RGS7: variants seen among roughly 807,000 people sequenced by gnomAD.
RGS7 encodes regulator of G protein signaling 7.
Under a neutral mutation model 81.1 loss-of-function variants are expected in RGS7, and 27 were observed. The observed-to-expected ratio is 0.33, with a 90% CI of 0.25 to 0.46. RGS7 has a LOEUF of 0.46. Among genes scored for constraint, RGS7 ranks in the 20% least tolerant of loss-of-function variants. The pLI is 1.00. For synonymous variants in RGS7, 208 were observed against 207.7 expected (o/e 1.00, Z -0.01); for missense variants, 396 against 607.4 (o/e 0.65, Z 3.66).
chr1:241,317,614 C>T (rs1327047988), intron 2 of RGS7, among the ~76,000 whole-genome samples: 1 of 152,222 alleles, frequency 6.6e-6, no homozygotes, highest in Non-Finnish European at 1.5e-5. Flanking sequence ...ACTCCACTCC[C>T]AGCCACCCGG....
At chr1:241,273,334 G>GTATC (rs937851142) in intron 2 of RGS7, among the ~76,000 whole-genome samples, 1 of 151,988 alleles carries the variant, frequency 6.6e-6, no homozygotes, top group Non-Finnish European at 1.5e-5. Context: ...GCAAGATTGG[G>GTATC]TATCTGCACA....
At chr1:241,105,348 C>T (rs1486776584) in intron 2 of RGS7, among the ~76,000 whole-genome samples, 2 of 152,210 alleles carry the variant, frequency 1.3e-5, no homozygotes, top group African/African-American at 2.4e-5. Context: ...TGAACTTCAA[C>T]ACCCTGCTCT....
chr1:240,820,457 G>GT lies in RGS7; in HGVS notation c.685-4043dup, dbSNP rs146142650. On this transcript the variant is annotated intron_variant, in intron 10 of 18. Transcript: ENST00000440928. ...AGAAGAGAACTAGAAAAATTATCCC[G>GT]TTTTTTTTTTTAGGCAGGGGGTGGG... 8.0e-3 allele frequency among the ~76,000 whole-genome samples: 1,143 copies of GT among 142,856 alleles called. 4 individuals are homozygous for GT. The highest frequency in any genetic ancestry group is 0.013 in the African/African-American group (499 of 39,198). 93.7% of individuals were successfully genotyped at this position (142,856 alleles called of 152,430 possible).
intron 4 of RGS7, among the ~76,000 whole-genome samples, chr1:240,941,373 T>A (rs926152404): frequency 1.3e-5 from 2 of 151,572 alleles, no homozygotes; most frequent in Non-Finnish European, 2.9e-5. Context: ...CAGAGCAGGA[T>A]AAATGCCTAG....
intron 6 of RGS7, among the ~76,000 whole-genome samples, chr1:240,897,075 G>A (rs1669211468): frequency 6.6e-6 from 1 of 151,368 alleles, no homozygotes; most frequent in Non-Finnish European, 1.5e-5. Flanking sequence ...TCATGATTTG[G>A]CTGTTTGTCT....
At chr1:241,051,325 C>T (rs2061237474) in intron 3 of RGS7, among the ~76,000 whole-genome samples, 1 of 152,132 alleles carries the variant, frequency 6.6e-6, no homozygotes. Flanking sequence ...CTGTTATTCT[C>T]TCTGCTACAG....
chr1:241,018,596 C>T (rs2059386500), intron 3 of RGS7, among the ~76,000 whole-genome samples: 1 of 151,962 alleles, frequency 6.6e-6, no homozygotes, highest in Admixed American at 6.6e-5. Flanking sequence ...GGTCTTTCAG[C>T]TGTAATACAT....
chr1:241,215,697 G>GA (rs2074507389), intron 2 of RGS7, among the ~76,000 whole-genome samples: 1 of 151,978 alleles, frequency 6.6e-6, no homozygotes, highest in Non-Finnish European at 1.5e-5. Context: ...TCCTCGTAGG[G>GA]GAAAAAAACA....
rs1318249351 is a variant in RGS7, at chr1:240,813,620, T to C, written c.954A>G (p.Ala318=). ...GAGAAAGATAAAATGCCACCTACCT[T>C]GCCTCAAGTTCCCAGAAAGTGGTGT... The part of the protein sequence containing the change: ...SDDTTFWELE[A]SKEPSQQRVK... Residue 318 remains alanine, a splice_region_variant and synonymous_variant, in exon 13 of 19, where the codon GCA becomes GCG. Coordinates refer to ENST00000440928, the MANE Select transcript of RGS7 (RefSeq NM_001364886.1). 1.3e-6 allele frequency: 2 copies of C among 1,597,798 alleles called. No individual in the cohort carries two copies. Among genetic ancestry groups the C allele is most frequent in the Non-Finnish European group, 8.6e-7 (1 of 1,165,066 alleles).
At chr1:241,337,701 A>G (rs1483204869) in intron 2 of RGS7, among the ~76,000 whole-genome samples, 4 of 152,222 alleles carry the variant, frequency 2.6e-5, no homozygotes, top group Non-Finnish European at 4.4e-5. Context: ...GAACCGTTTT[A>G]TACTAAGCCT....
At chr1:241,310,443 G>A (rs2080453428) in intron 2 of RGS7, among the ~76,000 whole-genome samples, 1 of 115,276 alleles carries the variant, frequency 8.7e-6, no homozygotes, top group African/African-American at 2.7e-5. Flanking sequence ...GTCTGTGTGT[G>A]TGAGTGTGTG....
chr1:240,801,876 T>A (rs1163681473), intron 16 of RGS7, among the ~76,000 whole-genome samples: 3 of 152,146 alleles, frequency 2.0e-5, no homozygotes, highest in Non-Finnish European at 2.9e-5. Flanking sequence ...TGAGAAAAAA[T>A]TCCTATTGAC....
At chr1:240,919,092 A>C (rs1572759885) in intron 6 of RGS7, among the ~76,000 whole-genome samples, 1 of 152,168 alleles carries the variant, frequency 6.6e-6, no homozygotes, top group East Asian at 1.9e-4. Context: ...ATCAACAATA[A>C]CAACTTACCA....
chr1:240,912,791 A>AT (rs1051779157), intron 6 of RGS7, among the ~76,000 whole-genome samples: 1 of 152,074 alleles, frequency 6.6e-6, no homozygotes, highest in African/African-American at 2.4e-5. Context: ...CATTAATGGA[A>AT]TTTTTTTCCT....
intron 4 of RGS7, among the ~76,000 whole-genome samples, chr1:240,946,813 G>A (rs1041385722): frequency 2.0e-5 from 3 of 152,124 alleles, no homozygotes; most frequent in Non-Finnish European, 4.4e-5. Flanking sequence ...TTACACAGTA[G>A]GGTGACTATA....
At chr1:240,905,035 A>G (rs1187577504) in intron 6 of RGS7, among the ~76,000 whole-genome samples, 1 of 152,226 alleles carries the variant, frequency 6.6e-6, no homozygotes, top group African/African-American at 2.4e-5. Context: ...CCATATCACT[A>G]TGGTTATAAA....
chr1:241,218,985 T>C (rs1409785370), intron 2 of RGS7, among the ~76,000 whole-genome samples: 1 of 152,090 alleles, frequency 6.6e-6, no homozygotes, highest in Non-Finnish European at 1.5e-5. Context: ...AGAGGCAGCT[T>C]GCCAGCAGGA....
intron 2 of RGS7, among the ~76,000 whole-genome samples, chr1:241,305,380 C>T (rs930015515): frequency 6.6e-5 from 10 of 152,114 alleles, no homozygotes; most frequent in African/African-American, 1.9e-4. Context: ...ATCAGCGACG[C>T]CACTGTTGCT....
chr1:241,304,829 A>G (rs1231799394), intron 2 of RGS7, among the ~76,000 whole-genome samples: 3 of 152,240 alleles, frequency 2.0e-5, no homozygotes, highest in African/African-American at 7.2e-5. Flanking sequence ...GGAAGTCATG[A>G]GATTATCATG....
Sources: gnomAD v4.1 joint callset for allele counts (sites outside exome capture counted in the v4.1 genomes callset) on GRCh38, gnomAD v4.1.1 for gene constraint, MANE v1.5 for transcripts, NCBI Gene and HGNC (gene_info 2026-07-23, HGNC 2026-07-21) for gene names.